TRIM23: variants seen among roughly 807,000 people sequenced by gnomAD.
TRIM23 encodes tripartite motif containing 23, also known as E3 ubiquitin-protein ligase TRIM23.
A neutral mutation model predicts 71.0 loss-of-function variants in TRIM23; 27 were observed. That is an observed-to-expected ratio of 0.38 (90% CI 0.28 to 0.52). The LOEUF (loss-of-function observed/expected upper bound fraction) is 0.52. TRIM23 is among the 20% of genes least tolerant of loss of function. TRIM23 has a pLI of 0.84. For missense variants in TRIM23, 482 were observed against 692.3 expected (o/e 0.70, Z 3.41); for synonymous variants, 234 against 238.0 (o/e 0.98, Z 0.16).
At chr5:65,619,603 G>T (rs1331787309) in intron 1 of TRIM23, among the ~76,000 whole-genome samples, 3 of 152,154 alleles carry the variant, frequency 2.0e-5, no homozygotes, top group Non-Finnish European at 4.4e-5. Context: ...TCACCATACA[G>T]TGATAATTCA....
Position 65,609,468 on chromosome 5 carries a change from T to G in TRIM23, c.829-10A>C, listed in dbSNP as rs1160690878. 3.1e-6 allele frequency: 5 copies of G among 1,607,520 alleles called. No individual in the cohort carries two copies. Among genetic ancestry groups the G allele is most frequent in the Non-Finnish European group, 4.2e-6 (5 of 1,177,408 alleles). ...CTGCAGTCCCTGGTACCTAAGAAAATGAAAATAAATTTTAAGCAACTGTAA... is the reference window on the plus strand; with the variant it reads ...CTGCAGTCCCTGGTACCTAAGAAAAGGAAAATAAATTTTAAGCAACTGTAA... On this transcript the variant is annotated splice_polypyrimidine_tract_variant and intron_variant, in intron 5 of 10. Transcript: ENST00000231524.
chr5:65,620,657 T>C (rs1018087360), intron 1 of TRIM23, among the ~76,000 whole-genome samples: 1 of 152,200 alleles, frequency 6.6e-6, no homozygotes, highest in African/African-American at 2.4e-5. Flanking sequence ...ATTGGAACAC[T>C]GGTTCCCCAT....
rs532551910 is a variant in TRIM23, at chr5:65,604,852, A to T, written c.1179+59T>A. ...GTCTCTTTAAGGTGATTATCATGAA[A>T]CGTAAATCAATTATGATTTGTCAGA... On this transcript the variant is annotated intron_variant, in intron 7 of 10. Transcript: ENST00000231524. 363 of 1,481,810 alleles carry T rather than the reference A, an allele frequency of 2.4e-4. 1 individual carries two copies. Among genetic ancestry groups the T allele is most frequent in the Non-Finnish European group, 3.1e-4 (344 of 1,101,640 alleles). 91.8% of individuals were successfully genotyped at this position (1,481,810 alleles called of 1,614,324 possible).
chr5:65,620,375 G>T (rs1480117479), intron 1 of TRIM23, among the ~76,000 whole-genome samples: 1 of 152,006 alleles, frequency 6.6e-6, no homozygotes, highest in African/African-American at 2.4e-5. Flanking sequence ...AGCATCATTT[G>T]CATTAGCAAA....
chr5:65,605,984 C>T (rs1754488034), intron 6 of TRIM23, among the ~76,000 whole-genome samples: 1 of 152,244 alleles, frequency 6.6e-6, no homozygotes, highest in Admixed American at 6.5e-5. Context: ...ACTATTACCT[C>T]TCACCTGGAA....
intron 5 of TRIM23, 105 bp downstream of exon 5, chr5:65,610,756 G>T (rs1474391955): frequency 2.3e-6 from 2 of 879,738 alleles, no homozygotes; most frequent in African/African-American, 1.7e-5. Flanking sequence ...TCTAATGATT[G>T]GTGCAATACT....
chr5:65,594,123 C>T (rs36136), intron 10 of TRIM23, among the ~76,000 whole-genome samples: 94,299 of 152,034 alleles, frequency 0.62, 29,506 homozygotes, highest in South Asian at 0.65. Context: ...ATTATCTTCT[C>T]TGTCTATAAT....
At chr5:65,599,189 A>T (rs1754295415) in intron 7 of TRIM23, among the ~76,000 whole-genome samples, 1 of 152,178 alleles carries the variant, frequency 6.6e-6, no homozygotes, top group Non-Finnish European at 1.5e-5. Context: ...ACACAAAAAG[A>T]CCTATTAGAA....
At chr5:65,623,048 G>A (rs1450176980) in intron 1 of TRIM23, among the ~76,000 whole-genome samples, 1 of 152,116 alleles carries the variant, frequency 6.6e-6, no homozygotes, top group African/African-American at 2.4e-5. Flanking sequence ...TGTACCTGTA[G>A]AATAACTTCA....
intron 3 of TRIM23, 127 bp downstream of exon 3, chr5:65,613,971 T>C: frequency 6.5e-7 from 1 of 1,533,456 alleles, no homozygotes. Context: ...AACTGTAATG[T>C]AATGAAAAGT....
rs758010262 is a variant in TRIM23 at position 65,611,816 on chromosome 5, A to T, written c.432T>A (p.Thr144=). 3.1e-6 allele frequency: 5 copies of T among 1,614,174 alleles called. No homozygotes were observed. The highest frequency in any genetic ancestry group is 4.2e-6 in the Non-Finnish European group (5 of 1,180,002). Residue 144 remains threonine (T), a synonymous_variant, in exon 4 of 11, where the codon ACT becomes ACA. Coordinates refer to ENST00000231524, the MANE Select transcript of TRIM23 (RefSeq NM_001656.4). ...LASVYCTVCA[T]HLCSECSQVT... is the part of the protein sequence containing the mutation. The stretch of plus-strand genomic sequence containing the variant: ...CTTGAGAACACTCAGAGCACAAATG[A>T]GTTGCACACACAGTGCAATATACAG...
intron 2 of TRIM23, 105 bp from the exon 3 acceptor site, chr5:65,614,324 T>TA: frequency 9.2e-7 from 1 of 1,085,050 alleles, no homozygotes; most frequent in Non-Finnish European, 1.3e-6. Context: ...AGTTAATGTC[T>TA]AAATTTTTAA....
At chr5:65,596,996 C>T (rs1754226477) in intron 8 of TRIM23, 55 bp downstream of exon 8, 4 of 1,595,994 alleles carry the variant, frequency 2.5e-6, no homozygotes, top group Non-Finnish European at 3.4e-6. Context: ...ACCCCAAGAA[C>T]TTGGCTGTAA....
Position 65,590,650 on chromosome 5 carries a change from C to T in TRIM23, c.*1119G>A. ...TAAAGAGCACACATTTTTATTTACT[C>T]ACAACACTGAATAATTAATGTAAAC... On this transcript the variant is annotated 3_prime_UTR_variant, in exon 11 of 11. Coordinates refer to ENST00000231524, the MANE Select transcript of TRIM23 (RefSeq NM_001656.4). The T allele has an allele frequency of 2.0e-6, 2 of 985,170 alleles. No homozygotes were observed. Among genetic ancestry groups the T allele is most frequent in the Non-Finnish European group, 2.4e-6 (2 of 826,656 alleles). The allele number at this position is 985,170 out of a possible 1,614,324, so 61.0% of individuals were successfully genotyped here. A position where few individuals can be genotyped will look rare whatever the true frequency, so the allele number is the denominator to read the frequency against.
Position 65,609,318 on chromosome 5 carries a change from C to T in TRIM23, c.969G>A (p.Gln323=), listed in dbSNP as rs1280315589. 5.0e-6 allele frequency: 8 copies of T among 1,614,058 alleles called. No homozygotes were observed. Among genetic ancestry groups the T allele is most frequent in the African/African-American group, 1.3e-5 (1 of 74,922 alleles). Residue 323 remains glutamine (Q), a synonymous_variant, in exon 6 of 11, where the codon CAG becomes CAA. Transcript: ENST00000231524. ...HVREKLIWLR[Q]QQEDMTILLS... Reference sequence around the variant, plus strand: ...ACAAAATAGTCATATCTTCTTGTTGCTGCCTGAGCCAAATCAATTTTTCAC... The same window carrying T: ...ACAAAATAGTCATATCTTCTTGTTGTTGCCTGAGCCAAATCAATTTTTCAC...
At chr5:65,612,088 G>A (rs1291860728) in intron 3 of TRIM23, among the ~76,000 whole-genome samples, 1 of 152,096 alleles carries the variant, frequency 6.6e-6, no homozygotes, top group Non-Finnish European at 1.5e-5. Flanking sequence ...AGATTAACTG[G>A]CCAATATATG....
chr5:65,602,781 C>T (rs1400624058), intron 7 of TRIM23, among the ~76,000 whole-genome samples: 2 of 152,134 alleles, frequency 1.3e-5, no homozygotes, highest in Non-Finnish European at 2.9e-5. Flanking sequence ...AAAGCAGAAA[C>T]CCCTAATAAG....
chr5:65,610,052 A>G (rs971814313), intron 5 of TRIM23, among the ~76,000 whole-genome samples: 27 of 152,272 alleles, frequency 1.8e-4, no homozygotes, highest in African/African-American at 6.5e-4. Context: ...TACCTATCCA[A>G]TCAATATTAA....
chr5:65,603,980 C>T (rs765687212), intron 7 of TRIM23, among the ~76,000 whole-genome samples: 13 of 148,786 alleles, frequency 8.7e-5, no homozygotes, highest in African/African-American at 2.2e-4. Flanking sequence ...TTTTAAGTGA[C>T]GGGAATTTCA....
Sources: gnomAD v4.1 joint callset for allele counts (sites outside exome capture counted in the v4.1 genomes callset) on GRCh38, gnomAD v4.1.1 for gene constraint, MANE v1.5 for transcripts, NCBI Gene and HGNC (gene_info 2026-07-23, HGNC 2026-07-21) for gene names.